The following NLRP13 variants were observed in gnomAD, a reference collection of about 807,000 sequenced individuals.
The protein encoded by NLRP13 is NLR family pyrin domain containing 13, also known as NACHT, LRR and PYD domains-containing protein 13.
In NLRP13, 82 loss-of-function variants were observed where a neutral mutation model predicts 94.4. The ratio of observed to expected loss-of-function variants is 0.87; its 90% confidence interval spans 0.73 to 1.04. NLRP13 has a LOEUF of 1.04. Among genes scored for constraint, NLRP13 ranks in the 50% least tolerant of loss-of-function variants. The pLI is 0.00. For missense variants in NLRP13, 1,426 were observed against 1,230.8 expected (o/e 1.16, Z -2.37); for synonymous variants, 553 against 464.7 (o/e 1.19, Z -2.45).
At position 55,911,915 on chromosome 19, in the gene NLRP13, G is replaced by T; in HGVS notation, c.1902C>A (p.His634Gln). The change falls in exon 5 of 11, where the codon CAC becomes CAA. Residue 634 changes from histidine to glutamine, a missense_variant. Coordinates refer to ENST00000342929, the MANE Select transcript of NLRP13 (RefSeq NM_176810.2). ...GKAESASLQFHILRLFHCLHE... is the reference protein window; with the variant it reads ...GKAESASLQFQILRLFHCLHE... ...GTAGGCAGTGAAAAAGTCGTAGAAT[G>T]TGAAATTGGAGAGAGGCACTTTCAG... The T allele has an allele frequency of 6.2e-7, 1 of 1,614,158 alleles. No homozygotes were observed. The highest frequency in any genetic ancestry group is 8.5e-7 in the Non-Finnish European group (1 of 1,179,988).
chr19:55,901,664 C>G (rs1448901670), intron 9 of NLRP13, among the ~76,000 whole-genome samples: 2 of 152,038 alleles, frequency 1.3e-5, no homozygotes, highest in Admixed American at 1.3e-4. Flanking sequence ...TGTGATTGCA[C>G]GGGGAGAGGG....
At chr19:55,930,043 T>C (rs1290319263) in intron 1 of NLRP13, among the ~76,000 whole-genome samples, 1 of 152,086 alleles carries the variant, frequency 6.6e-6, no homozygotes, top group Non-Finnish European at 1.5e-5. Context: ...CTAGTCTCCA[T>C]CTCATCCTCC....
chr19:55,915,639 G>A (rs2123129787), intron 4 of NLRP13, among the ~76,000 whole-genome samples: 1 of 152,124 alleles, frequency 6.6e-6, no homozygotes, highest in Admixed American at 6.6e-5. Flanking sequence ...TTCAAACAGA[G>A]TATCAGGAGA....
intron 1 of NLRP13, among the ~76,000 whole-genome samples, chr19:55,927,548 C>G (rs1160741513): frequency 6.6e-6 from 1 of 151,926 alleles, no homozygotes; most frequent in African/African-American, 2.4e-5. Context: ...ACAGACATAT[C>G]CTTGGGTGGG....
At chr19:55,909,662 T>TAC (rs761565926) in intron 6 of NLRP13, among the ~76,000 whole-genome samples, 4 of 152,128 alleles carry the variant, frequency 2.6e-5, no homozygotes, top group Non-Finnish European at 4.4e-5. Flanking sequence ...CAAAGATAGG[T>TAC]ACACACACAC....
At chr19:55,892,536 C>G (rs1042775994), downstream of NLRP13, among the ~76,000 whole-genome samples, 1 of 152,162 alleles carries the variant, frequency 6.6e-6, no homozygotes, top group African/African-American at 2.4e-5. Context: ...ATTCTCCTGC[C>G]TTAGGCTCCT....
intron 2 of NLRP13, 105 bp downstream of exon 2, chr19:55,924,862 G>T: frequency 9.8e-7 from 1 of 1,016,454 alleles, no homozygotes; most frequent in Non-Finnish European, 1.5e-6. Flanking sequence ...AATTTTTTAT[G>T]CACTATAAAT....
downstream of NLRP13, chr19:55,891,714 G>A (rs1985854523): frequency 5.0e-6 from 1 of 199,166 alleles, no homozygotes; most frequent in African/African-American, 2.3e-5. Context: ...TTGCTTTATT[G>A]AATTCTCTCA....
intron 1 of NLRP13, 152 bp from the exon 2 acceptor site, chr19:55,925,187 C>T: frequency 2.9e-6 from 2 of 699,402 alleles, no homozygotes; most frequent in Non-Finnish European, 2.5e-6. Flanking sequence ...ATTAGCCCAA[C>T]TGAAGATGCA....
Position 55,904,967 on chromosome 19 carries a change from G to A in NLRP13, c.2593C>T (p.Pro865Ser), listed in dbSNP as rs779254768. 2.6e-5 allele frequency: 42 copies of A among 1,613,768 alleles called. No homozygotes were observed. The highest frequency in any genetic ancestry group is 3.6e-5 in the Non-Finnish European group (42 of 1,179,810). The change falls in exon 8 of 11, where the codon CCC becomes TCC. Residue 865 changes from proline (P) to serine (S), a missense_variant. Pro to Ser is a moderately conservative substitution (Grantham distance 74, BLOSUM62 -1). Transcript: ENST00000342929. ...IKLLCAALTH[P>S]KCALERLELW... Reference sequence around the variant, plus strand: ...TCCAGTCTCTCTAAGGCACACTTGGGGTGAGTCAGGGCCGCACACAATAGC... The same window carrying A: ...TCCAGTCTCTCTAAGGCACACTTGGAGTGAGTCAGGGCCGCACACAATAGC...
intron 1 of NLRP13, among the ~76,000 whole-genome samples, chr19:55,926,110 C>T (rs1031928617): frequency 1.3e-5 from 2 of 152,140 alleles, no homozygotes; most frequent in Non-Finnish European, 2.9e-5. Flanking sequence ...TCTGTTTATC[C>T]AAAAGCCAAC....
intron 4 of NLRP13, among the ~76,000 whole-genome samples, chr19:55,920,025 A>G (rs1310736498): frequency 6.6e-6 from 1 of 152,164 alleles, no homozygotes; most frequent in Non-Finnish European, 1.5e-5. Context: ...AAATAAAGCT[A>G]TATACCTACA....
rs576573375 is a variant in NLRP13 at position 55,916,840 on chromosome 19, G to A, written c.524-3547C>T. ...CTTCCCTACTCTGGCAAGAGATCCA[G>A]GCATCCAAATATAAGAGGATTAATG... On this transcript the variant is annotated intron_variant, in intron 4 of 10. Transcript: ENST00000342929. 4.7e-4 allele frequency among the ~76,000 whole-genome samples: 71 copies of A among 152,022 alleles called. No homozygotes were observed. In the South Asian group the frequency reaches 6.8e-3, roughly 15 times the overall value.
chr19:55,919,896 A>G (rs774250904), intron 4 of NLRP13, among the ~76,000 whole-genome samples: 1 of 152,170 alleles, frequency 6.6e-6, no homozygotes, highest in African/African-American at 2.4e-5. Flanking sequence ...CAAAAAGGAC[A>G]AATCTGTATG....
Position 55,912,353 on chromosome 19 carries a change from T to C in NLRP13, c.1464A>G (p.Ile488Met). The C allele has an allele frequency of 6.2e-7, 1 of 1,614,120 alleles. No homozygotes were observed. The highest frequency in any genetic ancestry group is 1.1e-5 in the South Asian group (1 of 91,080). ...GQWRALCSLA[I>M]EGLWSMNFTF... is the part of the protein sequence containing the mutation. ...TGAAGTTCATAGACCACAGCCCTTC[T>C]ATGGCCAGACTGCAGAGGGCCCTCC... is the stretch of plus-strand genomic sequence containing the variant. Residue 488 changes from isoleucine (I) to methionine (M), a missense_variant, in exon 5 of 11, where the codon ATA (isoleucine) becomes ATG (methionine). By Grantham distance (10) the Ile-to-Met change is conservative (BLOSUM62 1). Transcript: ENST00000342929.
At chr19:55,926,773 G>A (rs965381922) in intron 1 of NLRP13, among the ~76,000 whole-genome samples, 6 of 152,010 alleles carry the variant, frequency 3.9e-5, no homozygotes, top group Non-Finnish European at 7.4e-5. Context: ...TGCTTTACTG[G>A]GAAATGATTC....
chr19:55,929,221 T>C (rs1987044214), intron 1 of NLRP13, among the ~76,000 whole-genome samples: 1 of 152,194 alleles, frequency 6.6e-6, no homozygotes, highest in Non-Finnish European at 1.5e-5. Flanking sequence ...GTGTGGCGAT[T>C]CCTCAAGGAT....
chr19:55,899,519 C>G (rs984697282), intron 9 of NLRP13, among the ~76,000 whole-genome samples: 1 of 152,030 alleles, frequency 6.6e-6, no homozygotes, highest in East Asian at 1.9e-4. Flanking sequence ...CGGTGGCTCA[C>G]GCCTGTAATC....
chr19:55,905,260 G>T (rs1986303932), intron 7 of NLRP13, 148 bp from the exon 8 acceptor site: 1 of 938,086 alleles, frequency 1.1e-6, no homozygotes, highest in Non-Finnish European at 1.5e-6. Context: ...GGAGAAAAAG[G>T]GCCAGGCGCA....
Sources: gnomAD v4.1 joint callset for allele counts (sites outside exome capture counted in the v4.1 genomes callset) on GRCh38, gnomAD v4.1.1 for gene constraint, MANE v1.5 for transcripts, NCBI Gene and HGNC (gene_info 2026-07-23, HGNC 2026-07-21) for gene names.